ASCC3: variants seen among roughly 807,000 people sequenced by gnomAD.
The protein encoded by ASCC3 is activating signal cointegrator 1 complex subunit 3, also known as ASC-1 complex subunit P200.
ASCC3 carries 158 observed loss-of-function variants against 256.3 expected under a neutral mutation model. The observed-to-expected ratio is 0.62, with a 90% CI of 0.54 to 0.70. The LOEUF is 0.70. Ranked by LOEUF, ASCC3 falls within the 30% of genes least tolerant of loss-of-function variation. The pLI, the probability that ASCC3 is intolerant of heterozygous loss-of-function variation, is 0.00. For synonymous variants in ASCC3, 948 were observed against 883.4 expected (o/e 1.07, Z -1.30); for missense variants, 2,259 against 2,626.0 (o/e 0.86, Z 3.05).
At chr6:100,722,631 A>C (rs1356055915) in intron 11 of ASCC3, among the ~76,000 whole-genome samples, 7 of 151,802 alleles carry the variant, frequency 4.6e-5, no homozygotes, top group Non-Finnish European at 1.0e-4. Context: ...TGTTTAATAA[A>C]TGTTCATTAA....
intron 8 of ASCC3, among the ~76,000 whole-genome samples, chr6:100,781,014 G>A (rs572746313): frequency 1.9e-4 from 29 of 152,234 alleles, no homozygotes; most frequent in African/African-American, 6.7e-4. Flanking sequence ...CTACTATGAG[G>A]CAGAAATTAT....
rs1242867577 is a variant in ASCC3, at chr6:100,516,235, T to C, written c.6020A>G (p.Asp2007Gly). The change falls in exon 39 of 42, where the codon GAC (aspartate) becomes GGC (glycine). Residue 2007 changes from aspartate (D) to glycine (G), a missense_variant. Asp to Gly is a moderately conservative substitution (Grantham distance 94). Transcript: ENST00000369162. The part of the protein sequence containing the change: ...PELIHACGGK[D>G]HVFSSMVESE... The stretch of plus-strand genomic sequence containing the variant: ...TTCTACCATGGAGCTAAATACATGG[T>C]CTTTCCCTCCACAGGCATGGATCAG... The C allele has an allele frequency of 6.2e-7, 1 of 1,613,598 alleles. No homozygotes were observed. Among genetic ancestry groups the C allele is most frequent in the African/African-American group, 1.3e-5 (1 of 74,846 alleles).
chr6:100,765,479 C>T (rs1781610707), intron 10 of ASCC3, among the ~76,000 whole-genome samples: 1 of 152,180 alleles, frequency 6.6e-6, no homozygotes, highest in African/African-American at 2.4e-5. Context: ...CTCCACATTC[C>T]TTTCTTTAGA....
intron 30 of ASCC3, among the ~76,000 whole-genome samples, chr6:100,613,070 C>CTT (rs529659670): frequency 7.0e-6 from 1 of 142,648 alleles, no homozygotes; most frequent in East Asian, 2.0e-4. Flanking sequence ...TTCTTTCTTT[C>CTT]TTTTTTTTTT....
intron 36 of ASCC3, among the ~76,000 whole-genome samples, chr6:100,565,540 A>T (rs1240267555): frequency 6.6e-6 from 1 of 152,218 alleles, no homozygotes; most frequent in Non-Finnish European, 1.5e-5. Context: ...ATAATGTCAC[A>T]TTAAAGAGCC....
chr6:100,541,705 A>G lies in ASCC3; in HGVS notation c.5551-1318T>C, dbSNP rs1562105605. Among the ~76,000 whole-genome samples, 3 of 152,212 alleles carry G rather than the reference A, an allele frequency of 2.0e-5. No individual in the cohort carries two copies. In the South Asian group the frequency reaches 6.2e-4, roughly 32 times the overall value. Reference sequence around the variant, plus strand: ...GAAGGTGAAATTCACAATGTATGTCATCCAATTAATGATTATCAACTATGC... The same window carrying G: ...GAAGGTGAAATTCACAATGTATGTCGTCCAATTAATGATTATCAACTATGC... On this transcript the variant is annotated intron_variant, in intron 36 of 41. Transcript: ENST00000369162.
chr6:100,660,311 T>A (rs1316722429), intron 16 of ASCC3, among the ~76,000 whole-genome samples: 1 of 151,692 alleles, frequency 6.6e-6, no homozygotes, highest in South Asian at 2.1e-4. Context: ...AGCAGCAGTA[T>A]TGAGAGAATA....
chr6:100,577,660 A>G (rs773298851), intron 36 of ASCC3, among the ~76,000 whole-genome samples: 3 of 152,042 alleles, frequency 2.0e-5, no homozygotes, highest in Non-Finnish European at 4.4e-5. Context: ...GTCAGCAGCA[A>G]CACCAAAGTG....
intron 14 of ASCC3, among the ~76,000 whole-genome samples, chr6:100,668,166 T>C (rs886701851): frequency 5.9e-5 from 9 of 152,044 alleles, no homozygotes; most frequent in Admixed American, 3.3e-4. Flanking sequence ...AGAGATCATA[T>C]GTCTACAAGC....
intron 13 of ASCC3, among the ~76,000 whole-genome samples, chr6:100,695,025 T>C (rs1362755620): frequency 1.3e-5 from 2 of 152,194 alleles, no homozygotes; most frequent in East Asian, 3.8e-4. Context: ...ATGTCAGCAA[T>C]ACTGGACAAA....
chr6:100,722,007 G>A (rs1779362882), intron 11 of ASCC3, among the ~76,000 whole-genome samples: 1 of 151,742 alleles, frequency 6.6e-6, no homozygotes, highest in Non-Finnish European at 1.5e-5. Context: ...GTTAATTTTT[G>A]TATATAGTGA....
At chr6:100,853,977 T>C (rs1772816274) in intron 3 of ASCC3, among the ~76,000 whole-genome samples, 1 of 152,142 alleles carries the variant, frequency 6.6e-6, no homozygotes, top group South Asian at 2.1e-4. Flanking sequence ...ATATACCATG[T>C]CCCCATAATT....
intron 13 of ASCC3, among the ~76,000 whole-genome samples, chr6:100,700,064 A>T (rs939023176): frequency 2.0e-5 from 3 of 152,188 alleles, no homozygotes; most frequent in African/African-American, 4.8e-5. Flanking sequence ...AGAGGAGCCA[A>T]ATGTTAGTCA....
At chr6:100,641,387 A>T (rs963949477) in intron 24 of ASCC3, among the ~76,000 whole-genome samples, 10 of 152,190 alleles carry the variant, frequency 6.6e-5, no homozygotes, top group African/African-American at 2.2e-4. Flanking sequence ...AATGATCGCC[A>T]TTCTAACTGG....
At chr6:100,691,356 T>C (rs1341151197) in intron 13 of ASCC3, among the ~76,000 whole-genome samples, 2 of 152,048 alleles carry the variant, frequency 1.3e-5, no homozygotes, top group Admixed American at 6.6e-5. Context: ...TCTCCTTTAC[T>C]GTAAATTTTT....
In ASCC3 at chr6:100,571,672, G is replaced by C. The variant is rs567116575; in HGVS notation, c.5550+17962C>G. 4.6e-5 allele frequency among the ~76,000 whole-genome samples: 7 copies of C among 152,310 alleles called. No individual in the cohort carries two copies. In the East Asian group the frequency reaches 1.4e-3, roughly 29 times the overall value. The stretch of plus-strand genomic sequence containing the variant: ...AACCTCATGAGGAAACTGAGGCTCA[G>C]AGGGTAAGTACCATTGTCCAAGGTC... On this transcript the variant is annotated intron_variant, in intron 36 of 41. Transcript: ENST00000369162.
At chr6:100,517,290 G>C (rs1311501119) in intron 38 of ASCC3, among the ~76,000 whole-genome samples, 1 of 152,106 alleles carries the variant, frequency 6.6e-6, no homozygotes, top group East Asian at 1.9e-4. Flanking sequence ...CAGGAGTAGG[G>C]AGTGCATGAC....
At chr6:100,824,792 T>C (rs1771218222) in intron 4 of ASCC3, among the ~76,000 whole-genome samples, 1 of 152,200 alleles carries the variant, frequency 6.6e-6, no homozygotes, top group Non-Finnish European at 1.5e-5. Context: ...TATAAAACTC[T>C]GCAATTAGAT....
chr6:100,732,683 T>TAGAAGC (rs1274271493), intron 10 of ASCC3, among the ~76,000 whole-genome samples: 3 of 1,388 alleles, frequency 2.2e-3, no homozygotes, highest in Admixed American at 0.038. Context: ...CAAAGATAAC[T>TAGAAGC]AGAAGTTATA....
Sources: gnomAD v4.1 joint callset for allele counts (sites outside exome capture counted in the v4.1 genomes callset) on GRCh38, gnomAD v4.1.1 for gene constraint, MANE v1.5 for transcripts, NCBI Gene and HGNC (gene_info 2026-07-23, HGNC 2026-07-21) for gene names.